Variants in BACH1 observed in about 807,000 individuals in gnomAD.
The protein encoded by BACH1 is BTB domain and CNC homolog 1, also known as transcription regulator protein BACH1.
Under a neutral mutation model 52.9 loss-of-function variants are expected in BACH1, and 35 were observed. The observed-to-expected ratio is 0.66, with a 90% CI of 0.51 to 0.88. The LOEUF (loss-of-function observed/expected upper bound fraction) is 0.88, where lower values mean the gene tolerates loss of function less well. BACH1 is among the 40% of genes least tolerant of loss of function. The pLI, the probability that BACH1 is intolerant of heterozygous loss-of-function variation, is 0.00. For missense variants in BACH1, 808 were observed against 872.6 expected, an observed-to-expected ratio of 0.93 and a Z score of 0.93; for synonymous variants, 321 against 319.6, an observed-to-expected ratio of 1.00 and a Z score of -0.05.
intron 1 of BACH1, among the ~76,000 whole-genome samples, chr21:29,309,047 C>G (rs954237486): frequency 6.6e-6 from 1 of 152,100 alleles, no homozygotes; most frequent in African/African-American, 2.4e-5. Context: ...CACCTGAGGT[C>G]AGGAGTTCGA....
rs1601355754 is a variant in BACH1 at position 29,326,992 on chromosome 21, G to A, written c.1168G>A (p.Glu390Lys). 1 of 1,614,200 alleles carries A rather than the reference G, an allele frequency of 6.2e-7. No homozygotes were observed. Among genetic ancestry groups the A allele is most frequent in the Non-Finnish European group, 8.5e-7 (1 of 1,180,042 alleles). The change falls in exon 3 of 5, where the codon GAG becomes AAG. Residue 390 changes from glutamate (E) to lysine (K), a missense_variant. Transcript: ENST00000286800. ...SVASSDRSSV[E>K]REVAEHLAKG... ...TGCATCTAGTGATAGGAGTAGTGTG[G>A]AGCGAGAAGTGGCAGAACACCTAGC... is the stretch of plus-strand genomic sequence containing the variant.
chr21:29,310,924 G>GGGGT (rs2088714177), intron 1 of BACH1, among the ~76,000 whole-genome samples: 1 of 152,308 alleles, frequency 6.6e-6, no homozygotes, highest in East Asian at 1.9e-4. Flanking sequence ...TATAGATCGA[G>GGGGT]GGGTATAAGG....
chr21:29,352,189 G>A (rs1217445898), intron 2 of BACH1, among the ~76,000 whole-genome samples: 5 of 151,952 alleles, frequency 3.3e-5, no homozygotes, highest in African/African-American at 9.7e-5. Context: ...CAAGTAGCTA[G>A]GATTATAGGT....
At chr21:29,302,096 T>C (rs2088610178) in intron 1 of BACH1, among the ~76,000 whole-genome samples, 1 of 152,240 alleles carries the variant, frequency 6.6e-6, no homozygotes, top group Admixed American at 6.5e-5. Flanking sequence ...ACCACCTCTC[T>C]TCTAATTTTC....
rs117942277 is a variant in BACH1, at chr21:29,322,560, C to G, written c.234+1046C>G. Among the ~76,000 whole-genome samples the G allele has an allele frequency of 2.5e-3, 385 of 152,224 alleles. 1 individual carries two copies. The highest frequency in any genetic ancestry group is 6.2e-3 in the South Asian group (30 of 4,826). The stretch of plus-strand genomic sequence containing the variant: ...CATCCCTTGCTTTAGTTAGTAACTG[C>G]TACTAGCAGAGTATCAAGGCTGTGG... On this transcript the variant is annotated intron_variant, in intron 2 of 4. Coordinates refer to ENST00000286800, the MANE Select transcript of BACH1 (RefSeq NM_001186.4).
At chr21:29,321,639 C>A (rs2088849229) in intron 2 of BACH1, 125 bp downstream of exon 2, 4 of 701,120 alleles carry the variant, frequency 5.7e-6, no homozygotes, top group Non-Finnish European at 8.6e-6. Flanking sequence ...AGGTTCTGTG[C>A]AACCCCTTTT....
At chr21:29,346,973 T>C (rs1244651290), downstream of BACH1, among the ~76,000 whole-genome samples, 1 of 152,142 alleles carries the variant, frequency 6.6e-6, no homozygotes, top group Admixed American at 6.5e-5. Flanking sequence ...CCCACTTGAG[T>C]GTTCACCAGT....
Position 29,343,035 on chromosome 21 carries a change from C to G in BACH1, c.*202C>G. 2 of 486,254 alleles carry G rather than the reference C, an allele frequency of 4.1e-6. No homozygotes were observed. Among genetic ancestry groups the G allele is most frequent in the Non-Finnish European group, 7.0e-6 (2 of 284,144 alleles). The allele number at this position is 486,254 out of a possible 1,614,324, so 30.1% of individuals were successfully genotyped here. On this transcript the variant is annotated 3_prime_UTR_variant, in exon 5 of 5. Coordinates refer to ENST00000286800, the MANE Select transcript of BACH1 (RefSeq NM_001186.4). ...AGAAATGATTTTGCCTCCTGGATAT[C>G]AGAAAAATCCATGTGAAAATGTAGT... is the stretch of plus-strand genomic sequence containing the variant.
intron 2 of BACH1, chr21:29,351,622 G>C (rs776447771): frequency 1.9e-6 from 1 of 534,728 alleles, no homozygotes; most frequent in Non-Finnish European, 3.8e-6. Context: ...TATTTGAGGG[G>C]TTCTGTTTCA....
chr21:29,323,298 G>T (rs2088870395), intron 2 of BACH1, among the ~76,000 whole-genome samples: 1 of 152,146 alleles, frequency 6.6e-6, no homozygotes, highest in African/African-American at 2.4e-5. Context: ...AAGCTGAGGA[G>T]GAAGGAAGCT....
chr21:29,314,524 A>C (rs1350018531), intron 1 of BACH1, among the ~76,000 whole-genome samples: 1 of 152,176 alleles, frequency 6.6e-6, no homozygotes, highest in East Asian at 1.9e-4. Flanking sequence ...GTAAATGAAA[A>C]ATCTTGCCTG....
At chr21:29,348,910 C>T (rs1043391363), downstream of BACH1, among the ~76,000 whole-genome samples, 3 of 151,854 alleles carry the variant, frequency 2.0e-5, no homozygotes, top group Admixed American at 6.6e-5. Context: ...CTGGCTAACA[C>T]GATGAAACCC....
chr21:29,341,385 C>G (rs559617778), intron 4 of BACH1, among the ~76,000 whole-genome samples: 1 of 152,148 alleles, frequency 6.6e-6, no homozygotes, highest in African/African-American at 2.4e-5. Context: ...GTTTGACTTT[C>G]TAGCAAGTGT....
intron 1 of BACH1, among the ~76,000 whole-genome samples, chr21:29,311,578 A>G (rs924437440): frequency 1.3e-5 from 2 of 152,092 alleles, no homozygotes; most frequent in Non-Finnish European, 2.9e-5. Flanking sequence ...CAGTTTATTT[A>G]TCAACCTAAG....
At chr21:29,332,650 TC>T (rs1316183291) in intron 4 of BACH1, among the ~76,000 whole-genome samples, 1 of 152,184 alleles carries the variant, frequency 6.6e-6, no homozygotes, top group Non-Finnish European at 1.5e-5. Context: ...TCGCTCTCTA[TC>T]CGAGAGTGGC....
At chr21:29,317,110 A>G (rs1018272638) in intron 1 of BACH1, among the ~76,000 whole-genome samples, 32 of 152,280 alleles carry the variant, frequency 2.1e-4, no homozygotes, top group African/African-American at 7.5e-4. Context: ...CCCTATGGTA[A>G]ACTGTGCATG....
In BACH1 at chr21:29,342,772, A is replaced by G. The variant is rs1338339614; in HGVS notation, c.2150A>G (p.Gln717Arg). The change falls in exon 5 of 5, where the codon CAG becomes CGG. Residue 717 changes from glutamine (Q) to arginine (R), a missense_variant. Coordinates refer to ENST00000286800, the MANE Select transcript of BACH1 (RefSeq NM_001186.4). ...EQAGPAEQCR[Q>R]SGGISDFCQQ... ...GCTGGGCCTGCGGAACAGTGTCGTCAGAGTGGTGGGATCTCAGATTTCTGT... is the reference window on the plus strand; with the variant it reads ...GCTGGGCCTGCGGAACAGTGTCGTCGGAGTGGTGGGATCTCAGATTTCTGT... 2 of 1,613,214 alleles carry G rather than the reference A, an allele frequency of 1.2e-6. No homozygotes were observed. The highest frequency in any genetic ancestry group is 1.3e-5 in the African/African-American group (1 of 75,054).
At chr21:29,314,301 G>T (rs1601344566) in intron 1 of BACH1, among the ~76,000 whole-genome samples, 1 of 152,068 alleles carries the variant, frequency 6.6e-6, no homozygotes, top group Non-Finnish European at 1.5e-5. Context: ...TTATGACCTG[G>T]AATTATCAAA....
intron 1 of BACH1, among the ~76,000 whole-genome samples, chr21:29,316,339 T>C (rs1476295765): frequency 6.6e-6 from 1 of 152,188 alleles, no homozygotes; most frequent in Non-Finnish European, 1.5e-5. Context: ...ATTTCCAAAT[T>C]GAGGTGTAGG....
Sources: allele counts gnomAD v4.1 joint callset (sites outside exome capture counted in the v4.1 genomes callset), GRCh38; gene constraint gnomAD v4.1.1; transcripts MANE v1.5; gene names NCBI Gene and HGNC (gene_info 2026-07-23, HGNC 2026-07-21).